The following PVALB variants were observed in gnomAD, a reference collection of about 807,000 sequenced individuals.
PVALB encodes parvalbumin.
In PVALB, 11 loss-of-function variants were observed where a neutral mutation model predicts 10.9. That is an observed-to-expected ratio of 1.01 (90% confidence interval 0.63 to 1.67). The LOEUF (loss-of-function observed/expected upper bound fraction) is 1.67. Among genes scored for constraint, PVALB ranks in the 40% most tolerant of loss-of-function variants. The pLI is 0.00. For synonymous variants in PVALB, 57 were observed against 50.7 expected, an observed-to-expected ratio of 1.12 and a Z score of -0.53; for missense variants, 131 against 136.2, an observed-to-expected ratio of 0.96 and a Z score of 0.19.
intron 3 of PVALB, among the ~76,000 whole-genome samples, chr22:36,801,286 T>C (rs1447122250): frequency 1.3e-5 from 2 of 152,226 alleles, no homozygotes; most frequent in African/African-American, 4.8e-5. Flanking sequence ...ACTCTGACAA[T>C]AGTCCTGTCT....
intron 3 of PVALB, among the ~76,000 whole-genome samples, chr22:36,802,749 A>G (rs924752170): frequency 1.2e-4 from 18 of 151,978 alleles, no homozygotes; most frequent in African/African-American, 3.9e-4. Flanking sequence ...CTGTCCTAGG[A>G]TAGGAAAAGT....
rs748372962 is a variant in PVALB at position 36,800,842 on chromosome 22, T to G, written c.*48A>C. 71 of 1,560,262 alleles carry G rather than the reference T, an allele frequency of 4.6e-5. No individual in the cohort carries two copies. Among genetic ancestry groups the G allele is most frequent in the Non-Finnish European group, 6.1e-5 (69 of 1,131,220 alleles). On this transcript the variant is annotated 3_prime_UTR_variant, in exon 4 of 4. Transcript: ENST00000417718. Reference sequence around the variant, plus strand: ...GGAGGGTGGCGAGAGGGGCCGAGATTGGGTGTTCAGGGCAGAGAGGTGGAA... The same window carrying G: ...GGAGGGTGGCGAGAGGGGCCGAGATGGGGTGTTCAGGGCAGAGAGGTGGAA...
Position 36,815,606 on chromosome 22 carries a change from C to G in PVALB, c.62-371G>C, listed in dbSNP as rs1939126481. Among the ~76,000 whole-genome samples, 3 of 152,016 alleles carry G rather than the reference C, an allele frequency of 2.0e-5. No individual in the cohort carries two copies. In the South Asian group the frequency reaches 6.2e-4, roughly 32 times the overall value. ...TGAGTGCCAGCTGGTTGGGAGTGGGCTGGGGAATTGAAGGGGGCATGAACA... is the reference window on the plus strand; with the variant it reads ...TGAGTGCCAGCTGGTTGGGAGTGGGGTGGGGAATTGAAGGGGGCATGAACA... On this transcript the variant is annotated intron_variant, in intron 1 of 3. Transcript: ENST00000417718.
intron 3 of PVALB, among the ~76,000 whole-genome samples, chr22:36,802,720 A>G: frequency 6.6e-6 from 1 of 151,968 alleles, no homozygotes; most frequent in Non-Finnish European, 1.5e-5. Flanking sequence ...AATAGACATC[A>G]TCCTTTCCTG....
upstream of PVALB, among the ~76,000 whole-genome samples, chr22:36,818,082 T>C (rs1939176626): frequency 6.6e-6 from 1 of 152,130 alleles, no homozygotes; most frequent in Non-Finnish European, 1.5e-5. Context: ...AACCAGCTGC[T>C]TCTAGAGTGT....
chr22:36,816,881 G>A (rs1410917505), intron 1 of PVALB, 64 bp downstream of exon 1: 68 of 1,401,854 alleles, frequency 4.9e-5, no homozygotes, highest in Non-Finnish European at 6.1e-5. Context: ...CGGGGCCGGC[G>A]GAGTGCAGGG....
At chr22:36,814,169 A>G (rs146632150) in intron 2 of PVALB, among the ~76,000 whole-genome samples, 1 of 152,058 alleles carries the variant, frequency 6.6e-6, no homozygotes, top group African/African-American at 2.4e-5. Context: ...GGAGGAGGGC[A>G]CTCAGAAGCT....
chr22:36,801,970 G>A (rs1020624355), intron 3 of PVALB, among the ~76,000 whole-genome samples: 16 of 152,090 alleles, frequency 1.1e-4, no homozygotes, highest in Admixed American at 9.2e-4. Flanking sequence ...TGAAGAGAGG[G>A]GCCAGTAATA....
intron 1 of PVALB, among the ~76,000 whole-genome samples, chr22:36,816,608 G>A (rs1939142366): frequency 1.3e-5 from 2 of 152,342 alleles, no homozygotes; most frequent in South Asian, 4.1e-4. Context: ...GACGTCCAGA[G>A]AGCTCGTACA....
chr22:36,807,792 A>C (rs962213064), intron 3 of PVALB, among the ~76,000 whole-genome samples: 1 of 152,138 alleles, frequency 6.6e-6, no homozygotes, highest in Non-Finnish European at 1.5e-5. Context: ...CCAAGGCCTT[A>C]CGCTACCACT....
At chr22:36,802,549 C>T (rs1272465684) in intron 3 of PVALB, among the ~76,000 whole-genome samples, 2 of 135,948 alleles carry the variant, frequency 1.5e-5, no homozygotes, top group Non-Finnish European at 3.0e-5. Context: ...TGCAGTGAGC[C>T]GAGATCGTGC....
chr22:36,809,300 C>T (rs1243105128), intron 3 of PVALB, among the ~76,000 whole-genome samples: 1 of 152,178 alleles, frequency 6.6e-6, no homozygotes, highest in African/African-American at 2.4e-5. Context: ...TTCTTTTTCT[C>T]CCACTATGGG....
chr22:36,817,578 C>G (rs987320522), upstream of PVALB: 1 of 153,410 alleles, frequency 6.5e-6, no homozygotes, highest in Non-Finnish European at 1.5e-5. Flanking sequence ...GTCCTGAAAC[C>G]TGACCCACCC....
rs1387628766 is a variant in PVALB, at chr22:36,815,212, T to G, written c.85A>C (p.Lys29Gln). The G allele has an allele frequency of 6.2e-7, 1 of 1,614,092 alleles. No homozygotes were observed. Among genetic ancestry groups the G allele is most frequent in the South Asian group, 1.1e-5 (1 of 91,082 alleles). ...FSATDSFDHK[K>Q]FFQMVGLKKK... ...TTCAGGCCGACCATTTGGAAGAACTTTTTGTGGTCGAAGGAGTCGGTAGCT... is the reference window on the plus strand; with the variant it reads ...TTCAGGCCGACCATTTGGAAGAACTGTTTGTGGTCGAAGGAGTCGGTAGCT... The change falls in exon 2 of 4, where the codon AAG becomes CAG. Residue 29 changes from lysine (K) to glutamine (Q), a missense_variant. Lys to Gln is a moderately conservative substitution (Grantham distance 53, BLOSUM62 1). Transcript: ENST00000417718.
intron 2 of PVALB, among the ~76,000 whole-genome samples, chr22:36,814,541 T>C (rs1939104965): frequency 6.6e-6 from 1 of 151,810 alleles, no homozygotes; most frequent in South Asian, 2.1e-4. Context: ...GCTGAGGGAA[T>C]TATGGTGGGA....
At chr22:36,813,935 T>C (rs1317288107) in intron 2 of PVALB, among the ~76,000 whole-genome samples, 180 bp from the exon 3 acceptor site, 1 of 151,952 alleles carries the variant, frequency 6.6e-6, no homozygotes, top group East Asian at 1.9e-4. Context: ...TGTGCTTTCG[T>C]GGGTGAGTAT....
intron 3 of PVALB, among the ~76,000 whole-genome samples, chr22:36,805,192 G>C (rs910041218): frequency 1.4e-4 from 21 of 152,194 alleles, no homozygotes; most frequent in African/African-American, 5.1e-4. Flanking sequence ...GAGCAAGCAA[G>C]CTGGGGGTAA....
upstream of PVALB, chr22:36,817,168 G>A (rs1004549891): frequency 1.3e-4 from 74 of 561,712 alleles, no homozygotes; most frequent in Non-Finnish European, 1.8e-4. Context: ...AGCGGGAGCG[G>A]CTCAGTCCAG....
upstream of PVALB, chr22:36,819,365 T>G (rs1307939173): frequency 6.6e-6 from 1 of 152,032 alleles, no homozygotes; most frequent in African/African-American, 2.4e-5. Flanking sequence ...GAGATGTAGC[T>G]CTCCCTTCCA....
Sources: allele counts gnomAD v4.1 joint callset (sites outside exome capture counted in the v4.1 genomes callset), GRCh38; gene constraint gnomAD v4.1.1; transcripts MANE v1.5; gene names NCBI Gene and HGNC (gene_info 2026-07-23, HGNC 2026-07-21).